TSHZ1: variants seen among roughly 807,000 people sequenced by gnomAD.
The protein encoded by TSHZ1 is teashirt homolog 1.
TSHZ1 carries 12 observed loss-of-function variants against 67.1 expected under a neutral mutation model. The ratio of observed to expected loss-of-function variants is 0.18; its 90% CI spans 0.11 to 0.29. TSHZ1 has a LOEUF of 0.29. Among genes scored for constraint, TSHZ1 ranks in the 10% least tolerant of loss-of-function variants. The pLI, the probability that TSHZ1 is intolerant of heterozygous loss-of-function variation, is 1.00. For missense variants in TSHZ1, 1,305 were observed against 1,413.9 expected (o/e 0.92, Z 1.23); for synonymous variants, 632 against 622.4 (o/e 1.02, Z -0.23).
intron 1 of TSHZ1, among the ~76,000 whole-genome samples, chr18:75,227,230 A>ATT (rs946458627): frequency 7.0e-6 from 1 of 142,910 alleles, no homozygotes. Context: ...TTGGTCTTCT[A>ATT]TTTTTTTTTT....
At chr18:75,249,785 C>A (rs1168976037) in intron 1 of TSHZ1, among the ~76,000 whole-genome samples, 2 of 150,494 alleles carry the variant, frequency 1.3e-5, no homozygotes, top group African/African-American at 4.9e-5. Context: ...TCCTCCCTGC[C>A]TCACACCTGC....
At chr18:75,232,144 C>G (rs532484680) in intron 1 of TSHZ1, among the ~76,000 whole-genome samples, 1 of 152,026 alleles carries the variant, frequency 6.6e-6, no homozygotes, top group Non-Finnish European at 1.5e-5. Flanking sequence ...AACTCCTGAC[C>G]TTGGGCGATC....
intron 1 of TSHZ1, chr18:75,284,276 T>C (rs1403609858): frequency 2.0e-5 from 3 of 152,656 alleles, no homozygotes; most frequent in Admixed American, 6.5e-5. Context: ...ACAACTTCCA[T>C]ATCCTGGAGG....
intron 1 of TSHZ1, among the ~76,000 whole-genome samples, chr18:75,237,425 G>C (rs1471877974): frequency 6.6e-6 from 1 of 152,162 alleles, no homozygotes; most frequent in East Asian, 1.9e-4. Context: ...AGGAGGCTGA[G>C]GTGGGAGGAT....
intron 1 of TSHZ1, among the ~76,000 whole-genome samples, chr18:75,273,705 C>T (rs958609407): frequency 4.6e-5 from 7 of 152,208 alleles, no homozygotes; most frequent in African/African-American, 1.7e-4. Context: ...TATGTCCACT[C>T]ACATTAGAAC....
At chr18:75,232,521 A>G (rs1381833896) in intron 1 of TSHZ1, among the ~76,000 whole-genome samples, 1 of 152,188 alleles carries the variant, frequency 6.6e-6, no homozygotes, top group South Asian at 2.1e-4. Flanking sequence ...AGAGATATAT[A>G]TATCTTATTT....
chr18:75,216,398 T>C (rs1568350897), intron 1 of TSHZ1, among the ~76,000 whole-genome samples: 1 of 152,198 alleles, frequency 6.6e-6, no homozygotes, highest in Non-Finnish European at 1.5e-5. Context: ...GGTGGGGTAA[T>C]TTGTGATGAG....
intron 1 of TSHZ1, among the ~76,000 whole-genome samples, chr18:75,273,172 A>G (rs2122598589): frequency 6.6e-6 from 1 of 152,380 alleles, no homozygotes; most frequent in African/African-American, 2.4e-5. Flanking sequence ...CTCTTTAGCA[A>G]AGCACCCACA....
At chr18:75,239,349 A>G (rs2023124453) in intron 1 of TSHZ1, among the ~76,000 whole-genome samples, 2 of 152,236 alleles carry the variant, frequency 1.3e-5, no homozygotes, top group African/African-American at 4.8e-5. Flanking sequence ...TGCATTTCTT[A>G]AGAAATTATA....
At chr18:75,249,458 G>A (rs1186835838) in intron 1 of TSHZ1, among the ~76,000 whole-genome samples, 1 of 143,802 alleles carries the variant, frequency 7.0e-6, no homozygotes, top group African/African-American at 2.6e-5. Flanking sequence ...TCTAACTCCT[G>A]CAGTGGATGG....
intron 1 of TSHZ1, among the ~76,000 whole-genome samples, chr18:75,215,474 G>A (rs2022754197): frequency 1.3e-5 from 2 of 152,302 alleles, no homozygotes; most frequent in Admixed American, 6.5e-5. Flanking sequence ...CTGATATTGA[G>A]AAAAAGCTTA....
intron 1 of TSHZ1, among the ~76,000 whole-genome samples, chr18:75,221,345 A>G (rs1212165085): frequency 1.3e-5 from 2 of 152,270 alleles, no homozygotes; most frequent in South Asian, 2.1e-4. Context: ...CAGCAAGATC[A>G]TATGATGAAA....
At chr18:75,242,667 A>G (rs1001397819) in intron 1 of TSHZ1, among the ~76,000 whole-genome samples, 3 of 152,200 alleles carry the variant, frequency 2.0e-5, no homozygotes, top group African/African-American at 4.8e-5. Context: ...TGTAGAATAA[A>G]TATCAGCAGA....
At chr18:75,256,813 C>A (rs780066750) in intron 1 of TSHZ1, among the ~76,000 whole-genome samples, 1 of 152,168 alleles carries the variant, frequency 6.6e-6, no homozygotes, top group South Asian at 2.1e-4. Flanking sequence ...CAAAACATCT[C>A]GATGATGTGC....
At chr18:75,246,403 G>GGTTGTGTGTGTGTGT (rs1555727132) in intron 1 of TSHZ1, among the ~76,000 whole-genome samples, 1 of 108,432 alleles carries the variant, frequency 9.2e-6, no homozygotes, top group East Asian at 2.7e-4. Flanking sequence ...TTTGGTTTCT[G>GGTTGTGTGTGTGTGT]GTGTGTGTGT....
chr18:75,234,434 G>A (rs923522811), intron 1 of TSHZ1, among the ~76,000 whole-genome samples: 2 of 152,110 alleles, frequency 1.3e-5, no homozygotes, highest in African/African-American at 4.8e-5. Context: ...AGTTTTAAAA[G>A]TTATAATATT....
chr18:75,257,796 T>A (rs1411252403), intron 1 of TSHZ1, among the ~76,000 whole-genome samples: 2 of 152,188 alleles, frequency 1.3e-5, no homozygotes, highest in East Asian at 3.9e-4. Context: ...GTTGCACATG[T>A]TCCCGTGGTA....
At chr18:75,257,202 G>C (rs992391989) in intron 1 of TSHZ1, among the ~76,000 whole-genome samples, 2 of 152,198 alleles carry the variant, frequency 1.3e-5, no homozygotes, top group African/African-American at 4.8e-5. Flanking sequence ...CCTTCATTGA[G>C]AGATTATTCA....
At chr18:75,273,560 T>C (rs2023581918) in intron 1 of TSHZ1, among the ~76,000 whole-genome samples, 1 of 152,246 alleles carries the variant, frequency 6.6e-6, no homozygotes, top group Non-Finnish European at 1.5e-5. Context: ...AAAGGTATGA[T>C]GTTTGTGCCT....
Sources: gnomAD v4.1 joint callset for allele counts (sites outside exome capture counted in the v4.1 genomes callset) on GRCh38, gnomAD v4.1.1 for gene constraint, MANE v1.5 for transcripts, NCBI Gene and HGNC (gene_info 2026-07-23, HGNC 2026-07-21) for gene names.